The following FOXO1 variants were observed in gnomAD, a reference collection of about 807,000 sequenced individuals.
The protein encoded by FOXO1 is forkhead box protein O1.
Under a neutral mutation model 44.1 loss-of-function variants are expected in FOXO1, and 6 were observed. That is an observed-to-expected ratio of 0.14 (90% CI 0.07 to 0.27). The LOEUF is 0.27. Among genes scored for constraint, FOXO1 ranks in the 10% least tolerant of loss-of-function variants. FOXO1 has a pLI of 1.00. For synonymous variants in FOXO1, 380 were observed against 362.7 expected, an observed-to-expected ratio of 1.05 and a Z score of -0.54; for missense variants, 737 against 888.8, an observed-to-expected ratio of 0.83 and a Z score of 2.17.
chr13:40,627,291 T>TA (rs1876817132), intron 1 of FOXO1, among the ~76,000 whole-genome samples: 1 of 152,164 alleles, frequency 6.6e-6, no homozygotes, highest in Non-Finnish European at 1.5e-5. Context: ...ACACACCTGC[T>TA]AAAACCTCAA....
chr13:40,664,831 C>G (rs932845369), intron 1 of FOXO1, among the ~76,000 whole-genome samples: 6 of 137,074 alleles, frequency 4.4e-5, no homozygotes, highest in East Asian at 2.5e-4. Flanking sequence ...GCCACCGCCA[C>G]CGCCCGCGCC....
At chr13:40,585,343 G>GCGCGCGCACA (rs10623475) in intron 1 of FOXO1, among the ~76,000 whole-genome samples, 6 of 147,020 alleles carry the variant, frequency 4.1e-5, no homozygotes, top group African/African-American at 1.5e-4. Context: ...CTGCGCGCGC[G>GCGCGCGCACA]CACACACACA....
intron 1 of FOXO1, among the ~76,000 whole-genome samples, chr13:40,649,301 ATC>A (rs752522864): frequency 2.0e-5 from 3 of 152,186 alleles, no homozygotes; most frequent in Non-Finnish European, 4.4e-5. Context: ...TTCTCATTTT[ATC>A]TCTCTGACTT....
chr13:40,643,068 G>A (rs9549243), intron 1 of FOXO1, among the ~76,000 whole-genome samples: 31,840 of 151,794 alleles, frequency 0.21, 3,426 homozygotes, highest in South Asian at 0.3. Context: ...AGGACCGGGC[G>A]TGGTGGCTCA....
intron 1 of FOXO1, among the ~76,000 whole-genome samples, chr13:40,631,790 A>G (rs1876970211): frequency 6.6e-6 from 1 of 152,266 alleles, no homozygotes; most frequent in East Asian, 1.9e-4. Context: ...ATTGTTTAAC[A>G]GACACAAAGT....
intron 1 of FOXO1, among the ~76,000 whole-genome samples, chr13:40,593,586 A>C (rs1437049798): frequency 6.6e-6 from 1 of 152,186 alleles, no homozygotes; most frequent in Non-Finnish European, 1.5e-5. Context: ...AGTAATACAT[A>C]TTACTTACTT....
At chr13:40,653,259 G>A (rs767631963) in intron 1 of FOXO1, among the ~76,000 whole-genome samples, 23 of 152,042 alleles carry the variant, frequency 1.5e-4, no homozygotes, top group Admixed American at 6.6e-4. Context: ...GAGCCACCAC[G>A]CCCAGCCTCT....
intron 1 of FOXO1, chr13:40,619,879 CAT>C (rs1490236320): frequency 4.6e-5 from 33 of 724,268 alleles, no homozygotes; most frequent in Admixed American, 4.0e-4. Context: ...TAAAGCAGCA[CAT>C]GTTTGGGAAA....
chr13:40,650,163 G>A (rs1034992964), intron 1 of FOXO1, among the ~76,000 whole-genome samples: 27 of 151,552 alleles, frequency 1.8e-4, no homozygotes, highest in African/African-American at 6.6e-4. Context: ...TATATATAGA[G>A]TAACTTCCTG....
At chr13:40,582,571 C>T (rs2721067) in intron 1 of FOXO1, among the ~76,000 whole-genome samples, 58,531 of 152,088 alleles carry the variant, frequency 0.38, 12,073 homozygotes, top group East Asian at 0.73. Context: ...AAAGCCTTTA[C>T]TGTCATTTCA....
At chr13:40,615,640 G>A (rs1876400070) in intron 1 of FOXO1, among the ~76,000 whole-genome samples, 1 of 152,128 alleles carries the variant, frequency 6.6e-6, no homozygotes, top group Non-Finnish European at 1.5e-5. Flanking sequence ...TCAACAATGA[G>A]GTCAAGGAAG....
intron 1 of FOXO1, among the ~76,000 whole-genome samples, chr13:40,580,700 G>C (rs1874923234): frequency 6.6e-6 from 1 of 152,140 alleles, no homozygotes; most frequent in Non-Finnish European, 1.5e-5. Context: ...CACATTCAAA[G>C]AAAACCCAGT....
intron 1 of FOXO1, chr13:40,618,781 C>T (rs1013933295): frequency 5.9e-6 from 3 of 511,432 alleles, no homozygotes; most frequent in African/African-American, 5.8e-5. Flanking sequence ...GGTGACGAAA[C>T]CTTATCTCAA....
chr13:40,593,132 C>A (rs1875445820), intron 1 of FOXO1, among the ~76,000 whole-genome samples: 1 of 152,022 alleles, frequency 6.6e-6, no homozygotes, highest in Admixed American at 6.6e-5. Flanking sequence ...CAGGTGATGG[C>A]CCCACCTCAG....
At chr13:40,641,617 T>C (rs1439524403) in intron 1 of FOXO1, among the ~76,000 whole-genome samples, 1 of 152,138 alleles carries the variant, frequency 6.6e-6, no homozygotes, top group Non-Finnish European at 1.5e-5. Context: ...AGTTTTTTTC[T>C]CCAAAATTCC....
chr13:40,634,137 G>A (rs1477782273), intron 1 of FOXO1, among the ~76,000 whole-genome samples: 1 of 152,136 alleles, frequency 6.6e-6, no homozygotes, highest in Non-Finnish European at 1.5e-5. Flanking sequence ...GTATATGACA[G>A]GGTACCAGGA....
chr13:40,565,103 A>G (rs1298006498), intron 1 of FOXO1, among the ~76,000 whole-genome samples: 2 of 151,548 alleles, frequency 1.3e-5, no homozygotes, highest in African/African-American at 2.4e-5. Flanking sequence ...TAGCCTCAAT[A>G]ACTGTTTGTT....
chr13:40,649,011 C>T (rs1877596077), intron 1 of FOXO1, among the ~76,000 whole-genome samples: 2 of 152,164 alleles, frequency 1.3e-5, no homozygotes, highest in African/African-American at 4.8e-5. Flanking sequence ...GCCAGAGTAA[C>T]AAGATAGCAA....
rs55733141 is a variant in FOXO1, at chr13:40,584,469, C to CAAAAAAAAAAAA, written c.631-23621_631-23610dup. Among the ~76,000 whole-genome samples the CAAAAAAAAAAAA allele has an allele frequency of 1.5e-3, 94 of 63,100 alleles. 12 individuals carry two copies. Among genetic ancestry groups the CAAAAAAAAAAAA allele is most frequent in the Non-Finnish European group, 2.0e-3 (75 of 37,884 alleles). The allele number at this position is 63,100 out of a possible 152,430, so 41.4% of individuals were successfully genotyped here. ...AGAAATTCTATCTCCACAAAAAATG[C>CAAAAAAAAAAAA]AAAAAAAAAAAAAAAAAAAAAAAAA... On this transcript the variant is annotated intron_variant, in intron 1 of 2. Coordinates refer to ENST00000379561, the MANE Select transcript of FOXO1 (RefSeq NM_002015.4).
Sources: allele counts gnomAD v4.1 joint callset (sites outside exome capture counted in the v4.1 genomes callset), GRCh38; gene constraint gnomAD v4.1.1; transcripts MANE v1.5; gene names NCBI Gene and HGNC (gene_info 2026-07-23, HGNC 2026-07-21).